The following ELMO1 variants were observed in gnomAD, a reference collection of about 807,000 sequenced individuals.
ELMO1 encodes engulfment and cell motility protein 1.
In ELMO1, 26 loss-of-function variants were observed where a neutral mutation model predicts 98.9. That is an observed-to-expected ratio of 0.26 (90% CI 0.19 to 0.36). The LOEUF is 0.36. Among genes scored for constraint, ELMO1 ranks in the 10% least tolerant of loss-of-function variants. The pLI, the probability that ELMO1 is intolerant of heterozygous loss-of-function variation, is 1.00. For missense variants in ELMO1, 627 were observed against 935.2 expected (o/e 0.67, Z 4.30); for synonymous variants, 346 against 346.0 (o/e 1.00, Z 0.00).
chr7:37,264,619 C>T (rs748660239), intron 5 of ELMO1, among the ~76,000 whole-genome samples: 1 of 152,146 alleles, frequency 6.6e-6, no homozygotes, highest in African/African-American at 2.4e-5. Flanking sequence ...CTGTATCAGA[C>T]AGCAAGTTAT....
chr7:37,029,979 T>C (rs1268086973), intron 15 of ELMO1, among the ~76,000 whole-genome samples: 1 of 152,176 alleles, frequency 6.6e-6, no homozygotes, highest in Non-Finnish European at 1.5e-5. Context: ...GAAGGTTCTA[T>C]AAGATCCCTG....
chr7:37,435,799 A>C (rs1805118518), intron 1 of ELMO1, among the ~76,000 whole-genome samples: 1 of 152,206 alleles, frequency 6.6e-6, no homozygotes, highest in South Asian at 2.1e-4. Context: ...TATTTAAAGG[A>C]ATCTCTATTA....
intron 1 of ELMO1, among the ~76,000 whole-genome samples, chr7:37,398,225 A>G (rs553315471): frequency 6.6e-6 from 1 of 152,226 alleles, no homozygotes; most frequent in Non-Finnish European, 1.5e-5. Flanking sequence ...TGTTGTGAGA[A>G]TTAAAAGAGC....
chr7:37,380,490 T>C (rs1225551139), intron 1 of ELMO1, among the ~76,000 whole-genome samples: 1 of 152,234 alleles, frequency 6.6e-6, no homozygotes, highest in Non-Finnish European at 1.5e-5. Flanking sequence ...TTGCTTGACA[T>C]AGCCTTTGTT....
intron 1 of ELMO1, among the ~76,000 whole-genome samples, chr7:37,369,727 T>C (rs1040587480): frequency 1.4e-4 from 21 of 149,420 alleles, no homozygotes; most frequent in African/African-American, 4.9e-4. Context: ...TAAGAATTTC[T>C]GCTTATCCAA....
chr7:37,014,583 C>T (rs1793789378), intron 15 of ELMO1, among the ~76,000 whole-genome samples: 2 of 152,062 alleles, frequency 1.3e-5, no homozygotes, highest in South Asian at 2.1e-4. Flanking sequence ...GTTTTAAGCC[C>T]CACATGCATT....
intron 11 of ELMO1, among the ~76,000 whole-genome samples, chr7:37,215,357 T>C (rs1039126679): frequency 6.6e-6 from 1 of 152,074 alleles, no homozygotes; most frequent in Non-Finnish European, 1.5e-5. Flanking sequence ...GGGGGGATAG[T>C]GTGTGTGTGT....
intron 16 of ELMO1, among the ~76,000 whole-genome samples, chr7:37,002,660 A>C (rs1405690414): frequency 6.6e-6 from 1 of 152,244 alleles, no homozygotes; most frequent in African/African-American, 2.4e-5. Context: ...GTAGACACAA[A>C]TAAATATCTG....
chr7:37,063,785 T>C (rs80174052), intron 15 of ELMO1, among the ~76,000 whole-genome samples: 80 of 152,206 alleles, frequency 5.3e-4, no homozygotes, highest in African/African-American at 1.9e-3. Flanking sequence ...AATCAGCACA[T>C]TGCAACACTC....
In ELMO1 at chr7:36,946,603, T is replaced by A. The variant is rs1018026453; in HGVS notation, c.1438-51586A>T. Among the ~76,000 whole-genome samples, 8 of 152,342 alleles carry A rather than the reference T, an allele frequency of 5.3e-5. No homozygotes were observed. In the East Asian group the frequency reaches 1.2e-3, roughly 22 times the overall value. On this transcript the variant is annotated intron_variant, in intron 16 of 21. Coordinates refer to ENST00000310758, the MANE Select transcript of ELMO1 (RefSeq NM_014800.11). ...GGACTATTGTTATCTGTGGTAAGGATGAGGGGTTGGGGGCTCTCCCTAAAA... is the reference window on the plus strand; with the variant it reads ...GGACTATTGTTATCTGTGGTAAGGAAGAGGGGTTGGGGGCTCTCCCTAAAA...
At chr7:37,159,711 T>C (rs1280062584) in intron 13 of ELMO1, among the ~76,000 whole-genome samples, 1 of 151,350 alleles carries the variant, frequency 6.6e-6, no homozygotes, top group Non-Finnish European at 1.5e-5. Context: ...AAAATAATAA[T>C]AATAATAATA....
At chr7:37,091,218 C>G (rs1784068599) in intron 15 of ELMO1, among the ~76,000 whole-genome samples, 1 of 152,156 alleles carries the variant, frequency 6.6e-6, no homozygotes, top group Non-Finnish European at 1.5e-5. Flanking sequence ...AGTGATTCTC[C>G]TGTCTCAGCT....
At chr7:37,235,453 C>G (rs1562541025) in intron 7 of ELMO1, among the ~76,000 whole-genome samples, 2 of 152,164 alleles carry the variant, frequency 1.3e-5, no homozygotes, top group Non-Finnish European at 2.9e-5. Flanking sequence ...CAAATGATAA[C>G]TAATAGTGGA....
At chr7:37,014,570 T>C (rs1039427659) in intron 15 of ELMO1, among the ~76,000 whole-genome samples, 4 of 152,144 alleles carry the variant, frequency 2.6e-5, no homozygotes, top group African/African-American at 9.7e-5. Flanking sequence ...ACCCATCACC[T>C]ACGTTTTAAG....
chr7:37,301,211 A>G (rs758154561), intron 4 of ELMO1, among the ~76,000 whole-genome samples: 150 of 152,232 alleles, frequency 9.9e-4, no homozygotes, highest in Non-Finnish European at 1.7e-3. Context: ...GATGGAGCAA[A>G]ATAAGAATGA....
intron 1 of ELMO1, among the ~76,000 whole-genome samples, chr7:37,403,824 GCATGAGCCACCATGCCCAGCC>G (rs1456001120): frequency 6.6e-6 from 1 of 152,146 alleles, no homozygotes; most frequent in African/African-American, 2.4e-5. Context: ...GGGATTACGG[GCATGAGCCACCATGCCCAGCC>G]CATTATGCAA....
intron 15 of ELMO1, among the ~76,000 whole-genome samples, chr7:37,063,864 C>A (rs577199703): frequency 1.3e-5 from 2 of 152,126 alleles, no homozygotes; most frequent in Non-Finnish European, 2.9e-5. Context: ...GTTCTTCAAC[C>A]GGGGCAAAAC....
At chr7:37,257,772 TG>T (rs1428188060) in intron 6 of ELMO1, among the ~76,000 whole-genome samples, 2 of 146,708 alleles carry the variant, frequency 1.4e-5, no homozygotes, top group Non-Finnish European at 3.0e-5. Context: ...GAGACCGAGG[TG>T]GGCGGATCAC....
At chr7:37,202,924 G>A (rs1463710104) in intron 13 of ELMO1, among the ~76,000 whole-genome samples, 1 of 152,024 alleles carries the variant, frequency 6.6e-6, no homozygotes, top group Admixed American at 6.6e-5. Context: ...CATGGTTTTG[G>A]TTTGTTTCTC....
Sources: allele counts gnomAD v4.1 joint callset (sites outside exome capture counted in the v4.1 genomes callset), GRCh38; gene constraint gnomAD v4.1.1; transcripts MANE v1.5; gene names NCBI Gene and HGNC (gene_info 2026-07-23, HGNC 2026-07-21).